MCTP2: variants seen among roughly 807,000 people sequenced by gnomAD.
MCTP2 encodes multiple C2 and transmembrane domain-containing protein 2.
Under a neutral mutation model 111.6 loss-of-function variants are expected in MCTP2, and 132 were observed. The ratio of observed to expected loss-of-function variants is 1.18; its 90% CI spans 1.03 to 1.37. The LOEUF (loss-of-function observed/expected upper bound fraction) is 1.37, where lower values mean the gene tolerates loss of function less well. Ranked by LOEUF, MCTP2 falls within the 40% of genes most tolerant of loss-of-function variation. The pLI, the probability that MCTP2 is intolerant of heterozygous loss-of-function variation, is 0.00. For missense variants in MCTP2, 1,183 were observed against 1,067.9 expected (o/e 1.11, Z -1.50); for synonymous variants, 395 against 387.7 (o/e 1.02, Z -0.22).
chr15:94,297,133 G>C (rs2075310794), intron 1 of MCTP2, among the ~76,000 whole-genome samples: 1 of 152,190 alleles, frequency 6.6e-6, no homozygotes, highest in African/African-American at 2.4e-5. Context: ...CTCAGTGTCT[G>C]CCCATCCTGT....
chr15:94,271,731 T>G (rs1287235109), intron 1 of MCTP2, among the ~76,000 whole-genome samples: 1 of 152,248 alleles, frequency 6.6e-6, no homozygotes, highest in Non-Finnish European at 1.5e-5. Flanking sequence ...TAAAATATTT[T>G]GCTTTGTTTC....
intron 1 of MCTP2, among the ~76,000 whole-genome samples, chr15:94,274,485 A>AG (rs1366480396): frequency 6.6e-6 from 1 of 152,188 alleles, no homozygotes; most frequent in African/African-American, 2.4e-5. Context: ...ATAAACTTGC[A>AG]GGATTGTTCA....
intron 1 of MCTP2, among the ~76,000 whole-genome samples, chr15:94,240,567 G>A (rs2070874197): frequency 6.6e-6 from 1 of 152,150 alleles, no homozygotes; most frequent in Admixed American, 6.5e-5. Context: ...AATCCTTCAT[G>A]ACAGGGGAGG....
At chr15:94,456,945 G>A (rs976125554) in intron 19 of MCTP2, among the ~76,000 whole-genome samples, 3 of 152,160 alleles carry the variant, frequency 2.0e-5, no homozygotes, top group Non-Finnish European at 4.4e-5. Context: ...TTGGTAGTGG[G>A]TTCTCTTTCA....
intron 2 of MCTP2, among the ~76,000 whole-genome samples, chr15:94,307,233 A>G (rs933998529): frequency 6.6e-6 from 1 of 152,206 alleles, no homozygotes; most frequent in East Asian, 1.9e-4. Context: ...TAATCAGAAC[A>G]TAAAGTGTCA....
At chr15:94,412,000 T>A (rs1034117556) in intron 17 of MCTP2, among the ~76,000 whole-genome samples, 9 of 152,180 alleles carry the variant, frequency 5.9e-5, no homozygotes, top group Non-Finnish European at 1.5e-5. Context: ...AACAGAAATA[T>A]ACTTGTGGGC....
intron 20 of MCTP2, among the ~76,000 whole-genome samples, chr15:94,458,927 G>C (rs1221067114): frequency 3.9e-5 from 6 of 152,152 alleles, no homozygotes; most frequent in Admixed American, 3.9e-4. Context: ...TAACATGCTG[G>C]ATTTGATTTA....
At chr15:94,443,070 G>A (rs1223926713) in intron 19 of MCTP2, 110 bp downstream of exon 19, 8 of 714,848 alleles carry the variant, frequency 1.1e-5, no homozygotes, top group Non-Finnish European at 1.8e-5. Flanking sequence ...TTTTTAATAT[G>A]ATAGAGTTAC....
At chr15:94,347,619 G>A (rs1219756577) in intron 8 of MCTP2, among the ~76,000 whole-genome samples, 2 of 151,966 alleles carry the variant, frequency 1.3e-5, no homozygotes, top group Non-Finnish European at 2.9e-5. Flanking sequence ...TAAGAATTGG[G>A]AATTTCATTT....
In MCTP2 at chr15:94,250,213, A is replaced by G. The variant is rs536364519; in HGVS notation, c.-66+18549A>G. ...AGAATTCATTTTTAATGGCTGCATT[A>G]GTGAAAATGAGTGGCTCGTATTTCT... On this transcript the variant is annotated intron_variant, in intron 1 of 22. Transcript: ENST00000357742. Among the ~76,000 whole-genome samples, 4 of 152,326 alleles carry G rather than the reference A, an allele frequency of 2.6e-5. No homozygotes were observed. In the East Asian group the frequency reaches 7.7e-4, roughly 29 times the overall value.
intron 10 of MCTP2, among the ~76,000 whole-genome samples, chr15:94,359,493 C>T (rs992757987): frequency 2.0e-5 from 3 of 152,100 alleles, no homozygotes; most frequent in Admixed American, 6.5e-5. Context: ...GTGTCTTTTC[C>T]GAAGCTGGAT....
chr15:94,458,211 G>A lies in MCTP2; in HGVS notation c.2325G>A (p.Leu775=). The change falls in exon 20 of 23, where the codon TTG becomes TTA. Residue 775 remains leucine (L), a synonymous_variant. Transcript: ENST00000357742. ...TTGTTTCAACTGTTCAAAACGTCTT[G>A]GAGGAAATAGCTTCTTTTGGAGAAA... The part of the protein sequence containing the change: ...QDIVSTVQNV[L]EEIASFGERI... 6.2e-7 allele frequency: 1 copy of A among 1,610,968 alleles called. No homozygotes were observed. The highest frequency in any genetic ancestry group is 8.5e-7 in the Non-Finnish European group (1 of 1,177,166).
intron 4 of MCTP2, among the ~76,000 whole-genome samples, chr15:94,336,847 C>G (rs1046972132): frequency 1.4e-4 from 22 of 151,972 alleles, no homozygotes; most frequent in African/African-American, 5.3e-4. Context: ...TAGTCTACGT[C>G]TGAGGCTGAG....
intron 14 of MCTP2, among the ~76,000 whole-genome samples, chr15:94,391,689 C>T (rs896879558): frequency 3.9e-5 from 6 of 152,128 alleles, no homozygotes; most frequent in East Asian, 1.9e-4. Flanking sequence ...GACAAAATAA[C>T]GCAAATTTCC....
intron 1 of MCTP2, among the ~76,000 whole-genome samples, chr15:94,259,666 CA>C (rs1753580377): frequency 2.0e-5 from 3 of 152,130 alleles, no homozygotes; most frequent in African/African-American, 7.2e-5. Flanking sequence ...TTCTGAACTC[CA>C]AAAACAAACC....
intron 17 of MCTP2, among the ~76,000 whole-genome samples, chr15:94,407,559 A>G (rs111995491): frequency 0.01 from 1,543 of 152,330 alleles, 34 homozygotes; most frequent in African/African-American, 0.035. Flanking sequence ...GGACTGAAAT[A>G]TGATACACAA....
intron 17 of MCTP2, among the ~76,000 whole-genome samples, chr15:94,424,025 C>T (rs1200814767): frequency 2.6e-5 from 4 of 152,132 alleles, no homozygotes; most frequent in Non-Finnish European, 5.9e-5. Context: ...AATGGTAATA[C>T]TAAATGTTGC....
intron 12 of MCTP2, among the ~76,000 whole-genome samples, chr15:94,379,913 T>C (rs2152450718): frequency 6.8e-6 from 1 of 147,104 alleles, no homozygotes; most frequent in East Asian, 2.0e-4. Context: ...TAATGTATAA[T>C]ATAATATATA....
At chr15:94,366,466 C>A (rs551794520) in intron 10 of MCTP2, among the ~76,000 whole-genome samples, 2 of 152,252 alleles carry the variant, frequency 1.3e-5, no homozygotes, top group South Asian at 4.1e-4. Context: ...TGATTGCTAG[C>A]TTTCTCTTAA....
Sources: gnomAD v4.1 joint callset for allele counts (sites outside exome capture counted in the v4.1 genomes callset) on GRCh38, gnomAD v4.1.1 for gene constraint, MANE v1.5 for transcripts, NCBI Gene and HGNC (gene_info 2026-07-23, HGNC 2026-07-21) for gene names.